The following NAPA variants were observed in gnomAD, a reference collection of about 807,000 sequenced individuals.
NAPA encodes the protein NSF attachment protein alpha.
In NAPA, 18 loss-of-function variants were observed where a neutral mutation model predicts 48.0. That is an observed-to-expected ratio of 0.38 (90% CI 0.26 to 0.56). The LOEUF (loss-of-function observed/expected upper bound fraction) is 0.56, where lower values mean the gene tolerates loss of function less well. Ranked by LOEUF, NAPA falls within the 20% of genes least tolerant of loss-of-function variation. NAPA has a pLI of 0.77. For missense variants in NAPA, 315 were observed against 385.0 expected (o/e 0.82, Z 1.52); for synonymous variants, 152 against 149.9 (o/e 1.01, Z -0.10).
intron 8 of NAPA, chr19:47,491,523 A>T (rs1968266969): frequency 6.5e-6 from 1 of 154,754 alleles, no homozygotes; most frequent in African/African-American, 2.4e-5. Flanking sequence ...CCCGCTGGCC[A>T]CGCCCCCTCC....
chr19:47,507,124 T>G (rs1447550319), intron 1 of NAPA: 1 of 152,320 alleles, frequency 6.6e-6, no homozygotes, highest in African/African-American at 2.4e-5. Context: ...TCCCCCAAGC[T>G]GCCTCTGCTT....
chr19:47,513,034 G>C (rs1968835236), intron 1 of NAPA, among the ~76,000 whole-genome samples: 2 of 151,974 alleles, frequency 1.3e-5, no homozygotes, highest in Non-Finnish European at 2.9e-5. Context: ...CTCTCTACAA[G>C]CCCACTAGTC....
In NAPA at chr19:47,490,174, GGT is replaced by G. The variant is rs539616817; in HGVS notation, c.736-415_736-414del. ...TTCGGTGTGTGTGTGGGGTGTGTGTGGTGTGTGTAGTGTGTGTGCAATGTGTG... is the reference window on the plus strand; with the variant it reads ...TTCGGTGTGTGTGTGGGGTGTGTGTGGTGTGTAGTGTGTGTGCAATGTGTG... On this transcript the variant is annotated intron_variant, in intron 9 of 10. Transcript: ENST00000263354. Among the ~76,000 whole-genome samples the G allele has an allele frequency of 6.1e-5, 9 of 147,548 alleles. No individual in the cohort carries two copies. The South Asian group carries it at 1.3e-3, about 22-fold the overall frequency.
rs139142110 is a variant in NAPA at position 47,495,591 on chromosome 19, T to C, written c.301A>G (p.Ile101Val). 1.3e-6 allele frequency: 2 copies of C among 1,523,510 alleles called. No homozygotes were observed. Among genetic ancestry groups the C allele is most frequent in the Non-Finnish European group, 1.8e-6 (2 of 1,138,178 alleles). The allele number at this position is 1,523,510 out of a possible 1,614,324, so 94.4% of individuals were successfully genotyped here. The change falls in exon 4 of 11, where the codon ATT becomes GTT. Residue 101 changes from isoleucine (I) to valine (V), a missense_variant. Transcript: ENST00000263354. ...TCGATTGCTCGCATCAAACAGTTAATGGCCTCTGGAGAGAAAGGGAGGTGG... is the reference window on the plus strand; with the variant it reads ...TCGATTGCTCGCATCAAACAGTTAACGGCCTCTGGAGAGAAAGGGAGGTGG... ...AFKKADPQEA[I>V]NCLMRAIEIY...
chr19:47,492,739 G>A (rs1161632255), intron 7 of NAPA: 2 of 683,482 alleles, frequency 2.9e-6, no homozygotes, highest in Non-Finnish European at 5.4e-6. Flanking sequence ...GAGGGGCACA[G>A]CCAGGGAGAG....
Position 47,495,403 on chromosome 19 carries a change from G to C in NAPA, c.342+147C>G. On this transcript the variant is annotated intron_variant, in intron 4 of 10. Coordinates refer to ENST00000263354, the MANE Select transcript of NAPA (RefSeq NM_003827.4). The stretch of plus-strand genomic sequence containing the variant: ...CCAGCCAGCCCAGGCCAGCTCAGGT[G>C]ACCTAATCCCCCCAGCTCCCACTTC... 7 of 879,234 alleles carry C rather than the reference G, an allele frequency of 8.0e-6. No individual in the cohort carries two copies. In the South Asian group the frequency reaches 1.0e-4, roughly 13 times the overall value. 54.5% of individuals were successfully genotyped at this position (879,234 alleles called of 1,614,324 possible).
intron 4 of NAPA, among the ~76,000 whole-genome samples, chr19:47,494,717 G>A (rs1267870780): frequency 8.0e-6 from 1 of 125,594 alleles, no homozygotes; most frequent in Non-Finnish European, 1.6e-5. Flanking sequence ...CAGCCTAGAT[G>A]AGAGAGAAAC....
chr19:47,502,668 C>T (rs1968605834), intron 2 of NAPA, among the ~76,000 whole-genome samples: 1 of 152,200 alleles, frequency 6.6e-6, no homozygotes, highest in African/African-American at 2.4e-5. Flanking sequence ...ATCTTGGTGA[C>T]ATGAAAGATG....
downstream of NAPA, among the ~76,000 whole-genome samples, chr19:47,485,335 G>A (rs1053848816): frequency 6.6e-6 from 1 of 152,232 alleles, no homozygotes; most frequent in Non-Finnish European, 1.5e-5. Flanking sequence ...CTCAGAAAGA[G>A]TAAGTCCACT....
intron 1 of NAPA, 75 bp from the exon 2 acceptor site, chr19:47,503,577 G>T: frequency 7.1e-7 from 1 of 1,413,592 alleles, no homozygotes; most frequent in Non-Finnish European, 1.0e-6. Flanking sequence ...CTGCTCCAGT[G>T]CCGGGCACAG....
Position 47,500,737 on chromosome 19 carries a change from G to A in NAPA, c.191C>T (p.Ala64Val), listed in dbSNP as rs762584427. 6.2e-6 allele frequency: 10 copies of A among 1,605,318 alleles called. No individual in the cohort carries two copies. In the South Asian group the frequency reaches 6.7e-5, roughly 11 times the overall value. ...GTGCAGCTGTGCAGCCTGGCAGAAC[G>A]CGTTTCCAGCAGCTGGAACAGAAGA... ...MAKNWSAAGNAFCQAAQLHLQ... is the reference protein window; with the variant it reads ...MAKNWSAAGNVFCQAAQLHLQ... The change falls in exon 3 of 11, where the codon GCG (alanine) becomes GTG (valine). Residue 64 changes from alanine to valine, a missense_variant. This residue lies in a region of NAPA where 173 missense variants were observed against 213.5 expected (regional missense o/e 0.81). Transcript: ENST00000263354.
intron 9 of NAPA, 70 bp from the exon 10 acceptor site, chr19:47,489,831 G>T: frequency 6.5e-7 from 1 of 1,535,568 alleles, no homozygotes; most frequent in South Asian, 1.1e-5. Flanking sequence ...TTAGATGAAA[G>T]GACACGCTAT....
In NAPA at chr19:47,500,612, G is replaced by A. The variant is rs759747170; in HGVS notation, c.295+21C>T. The A allele has an allele frequency of 5.7e-6, 9 of 1,579,850 alleles. No individual in the cohort carries two copies. In the Admixed American group the frequency reaches 1.3e-4, roughly 22 times the overall value. On this transcript the variant is annotated intron_variant, in intron 3 of 10. Coordinates refer to ENST00000263354, the MANE Select transcript of NAPA (RefSeq NM_003827.4). Reference sequence around the variant, plus strand: ...ATGGCGCTCCGGACAGCCAGCCCGTGTGGCCCGCAGAGGCCCTCACCTTGG... The same window carrying A: ...ATGGCGCTCCGGACAGCCAGCCCGTATGGCCCGCAGAGGCCCTCACCTTGG...
At position 47,508,851 on chromosome 19, in the gene NAPA, C is replaced by T. The variant is rs185943409; in HGVS notation, c.99-5349G>A. 3.3e-5 allele frequency among the ~76,000 whole-genome samples: 5 copies of T among 152,032 alleles called. No individual in the cohort carries two copies. In the East Asian group the frequency reaches 5.8e-4, roughly 18 times the overall value. ...CTACAATCCCAGGGCTTTGGGAGGCCGAAGCAGGAGGGTTGCTTGATCTCG... is the reference window on the plus strand; with the variant it reads ...CTACAATCCCAGGGCTTTGGGAGGCTGAAGCAGGAGGGTTGCTTGATCTCG... On this transcript the variant is annotated intron_variant, in intron 1 of 10. Transcript: ENST00000263354.
At chr19:47,500,172 C>A (rs1228622250) in intron 3 of NAPA, among the ~76,000 whole-genome samples, 1 of 152,186 alleles carries the variant, frequency 6.6e-6, no homozygotes, top group East Asian at 1.9e-4. Context: ...CTAATTCCTC[C>A]CCAGGATGTA....
chr19:47,508,077 T>A (rs1447293353), intron 1 of NAPA, among the ~76,000 whole-genome samples: 1 of 152,082 alleles, frequency 6.6e-6, no homozygotes, highest in Non-Finnish European at 1.5e-5. Flanking sequence ...GCTTCCCTCA[T>A]CTCACGAGCA....
rs1010236036 is a variant in NAPA at position 47,487,770 on chromosome 19, G to A, written c.*518C>T. Reference sequence around the variant, plus strand: ...GAATCCCCTAAGCTCCAGGGCCCAGGGTCTAACCTGAGAGGTCGGGGCTGC... The same window carrying A: ...GAATCCCCTAAGCTCCAGGGCCCAGAGTCTAACCTGAGAGGTCGGGGCTGC... On this transcript the variant is annotated 3_prime_UTR_variant, in exon 11 of 11. Coordinates refer to ENST00000263354, the MANE Select transcript of NAPA (RefSeq NM_003827.4). 3 of 152,658 alleles carry A rather than the reference G, an allele frequency of 2.0e-5. No individual in the cohort carries two copies. The highest frequency in any genetic ancestry group is 7.2e-5 in the African/African-American group (3 of 41,440). 9.5% of individuals were successfully genotyped at this position (152,658 alleles called of 1,614,324 possible). A position where few individuals can be genotyped will look rare whatever the true frequency, so the allele number is the denominator to read the frequency against.
chr19:47,491,916 AG>A, intron 8 of NAPA, 98 bp downstream of exon 8: 2 of 1,047,046 alleles, frequency 1.9e-6, no homozygotes, highest in Non-Finnish European at 1.4e-6. Flanking sequence ...GCCAGACGTG[AG>A]GGAGGAGCAC....
Position 47,488,203 on chromosome 19 carries a change from G to T in NAPA, c.*85C>A. 1.5e-6 allele frequency: 2 copies of T among 1,325,636 alleles called. No homozygotes were observed. Among genetic ancestry groups the T allele is most frequent in the Admixed American group, 1.8e-5 (1 of 56,046 alleles). 82.1% of individuals were successfully genotyped at this position (1,325,636 alleles called of 1,614,324 possible). ...CCGCGGCACTCCCCAGATGGGAAAG[G>T]AGGGAAGCTCTCCAGCAAGTCTCGG... On this transcript the variant is annotated 3_prime_UTR_variant, in exon 11 of 11. Transcript: ENST00000263354.
Sources: gnomAD v4.1 joint callset for allele counts (sites outside exome capture counted in the v4.1 genomes callset) on GRCh38, gnomAD v4.1.1 for gene constraint, gnomAD v4.1.1 regional missense constraint, MANE v1.5 for transcripts, NCBI Gene and HGNC (gene_info 2026-07-23, HGNC 2026-07-21) for gene names.